The following TOB2 variants were observed in gnomAD, a reference collection of about 807,000 sequenced individuals.
TOB2 encodes transducer of ERBB2, 2, also known as protein Tob2.
TOB2 carries 3 observed loss-of-function variants against 17.3 expected under a neutral mutation model. That is an observed-to-expected ratio of 0.17 (90% CI 0.08 to 0.45). The LOEUF is 0.45. TOB2 is among the 20% of genes least tolerant of loss of function. The probability of loss-of-function intolerance (pLI) is 0.99; values close to 1 mark genes in which losing one functional copy is unlikely to be tolerated. For synonymous variants in TOB2, 163 were observed against 185.6 expected (o/e 0.88, Z 0.99); for missense variants, 407 against 445.7 (o/e 0.91, Z 0.78).
chr22:41,435,649 C>T lies in TOB2; in HGVS notation c.*662G>A, dbSNP rs1448994452. ...CAGAGATGAAAGGAGTTTCACTAGA[C>T]GAAGTGCTAATCTCCCTGTAGTCAC... On this transcript the variant is annotated 3_prime_UTR_variant, in exon 2 of 2. Coordinates refer to ENST00000327492, the MANE Select transcript of TOB2 (RefSeq NM_016272.4). 1 of 152,706 alleles carries T rather than the reference C, an allele frequency of 6.5e-6. No individual in the cohort carries two copies. Among genetic ancestry groups the T allele is most frequent in the African/African-American group, 2.4e-5 (1 of 41,456 alleles). 9.5% of individuals were successfully genotyped at this position (152,706 alleles called of 1,614,324 possible). A position where few individuals can be genotyped will look rare whatever the true frequency, so the allele number is the denominator to read the frequency against.
At chr22:41,441,211 AG>A (rs2037616542) in intron 1 of TOB2, among the ~76,000 whole-genome samples, 1 of 151,820 alleles carries the variant, frequency 6.6e-6, no homozygotes, top group South Asian at 2.1e-4. Context: ...GCTACTCGGG[AG>A]GCTGAGGCAG....
At chr22:41,438,904 T>C (rs2037584912) in intron 1 of TOB2, among the ~76,000 whole-genome samples, 1 of 152,068 alleles carries the variant, frequency 6.6e-6, no homozygotes, top group Non-Finnish European at 1.5e-5. Flanking sequence ...CCAGGGACTG[T>C]CTGACCACCT....
chr22:41,445,808 G>A (rs201046258), intron 1 of TOB2, among the ~76,000 whole-genome samples: 1 of 152,206 alleles, frequency 6.6e-6, no homozygotes, highest in East Asian at 1.9e-4. Context: ...AAAGAGCTCA[G>A]CCGAAACGGT....
At chr22:41,438,544 C>T (rs1271326650) in intron 1 of TOB2, among the ~76,000 whole-genome samples, 9 of 142,000 alleles carry the variant, frequency 6.3e-5, no homozygotes, top group Non-Finnish European at 1.2e-4. Flanking sequence ...GTAGGAGAAT[C>T]GCTTGAACCC....
chr22:41,446,022 G>A (rs1271519579), intron 1 of TOB2, among the ~76,000 whole-genome samples: 2 of 152,148 alleles, frequency 1.3e-5, no homozygotes. Context: ...TAACGGTGGG[G>A]GGAGTTATGT....
At chr22:41,443,189 C>A (rs538439884) in intron 1 of TOB2, among the ~76,000 whole-genome samples, 143 of 152,178 alleles carry the variant, frequency 9.4e-4, no homozygotes, top group Non-Finnish European at 1.7e-3. Flanking sequence ...AGAAGTGGGG[C>A]GTGAAGCTCA....
chr22:41,440,761 T>A (rs1458406411), intron 1 of TOB2, among the ~76,000 whole-genome samples: 1 of 152,024 alleles, frequency 6.6e-6, no homozygotes, highest in Non-Finnish European at 1.5e-5. Flanking sequence ...CACACGGGGT[T>A]TCATCACGTT....
Position 41,437,236 on chromosome 22 carries a change from T to C in TOB2, c.110A>G (p.Lys37Arg). 1 of 1,614,074 alleles carries C rather than the reference T, an allele frequency of 6.2e-7. No homozygotes were observed. The highest frequency in any genetic ancestry group is 2.2e-5 in the East Asian group (1 of 44,874). ...LFGEELERLLKKKYEGHWYPE... is the reference protein window; with the variant it reads ...LFGEELERLLRKKYEGHWYPE... ...GTACCAGTGGCCTTCATATTTCTTT[T>C]TCAAAAGCCGCTCTAGCTCCTCCCC... The change falls in exon 2 of 2, where the codon AAA (lysine) becomes AGA (arginine). Residue 37 changes from lysine (K) to arginine (R), a missense_variant. Coordinates refer to ENST00000327492, the MANE Select transcript of TOB2 (RefSeq NM_016272.4).
In TOB2 at chr22:41,437,096, C is replaced by T. The variant is rs1483176631; in HGVS notation, c.250G>A (p.Ala84Thr). Residue 84 changes from alanine to threonine, a missense_variant, in exon 2 of 2, where the codon GCC becomes ACC. Transcript: ENST00000327492. ...ACACTCAGCTCCTCAGGCACATTGG[C>T]CCGCACATCTTCCACCGCCAGGCCA... is the stretch of plus-strand genomic sequence containing the variant. Reference protein sequence around the residue: ...RSGLAVEDVRANVPEELSVWI... With the variant: ...RSGLAVEDVRTNVPEELSVWI... The T allele has an allele frequency of 6.2e-7, 1 of 1,613,996 alleles. No individual in the cohort carries two copies. The highest frequency in any genetic ancestry group is 1.3e-5 in the African/African-American group (1 of 74,898).
intron 1 of TOB2, among the ~76,000 whole-genome samples, chr22:41,444,061 A>T (rs971632311): frequency 2.0e-5 from 3 of 152,224 alleles, no homozygotes; most frequent in African/African-American, 7.2e-5. Context: ...TCCTACAATG[A>T]CGGACTACAG....
At chr22:41,439,235 C>T (rs1485779324) in intron 1 of TOB2, among the ~76,000 whole-genome samples, 1 of 152,204 alleles carries the variant, frequency 6.6e-6, no homozygotes. Flanking sequence ...CTGGGCAAGG[C>T]TGTGCTGCTG....
rs542719056 is a variant in TOB2, at chr22:41,438,045, C to G, written c.-62-638G>C. On this transcript the variant is annotated intron_variant, in intron 1 of 1. Transcript: ENST00000327492. ...TTTCCACCATCTTGAGAATTCAGGT[C>G]ACTGTATGAATGACACTAAAAAAAT... 3.4e-5 allele frequency among the ~76,000 whole-genome samples: 5 copies of G among 148,948 alleles called. No individual in the cohort carries two copies. The East Asian group carries it at 5.9e-4, about 18-fold the overall frequency.
In TOB2 at chr22:41,437,208, A is replaced by G. The variant is rs377288736; in HGVS notation, c.138T>C (p.Pro46=). The change falls in exon 2 of 2, where the codon CCT becomes CCC. Residue 46 remains proline, a synonymous_variant. Coordinates refer to ENST00000327492, the MANE Select transcript of TOB2 (RefSeq NM_016272.4). ...AGCCAGAGCCTTTCAGTGGCTTCTC[A>G]GGGTACCAGTGGCCTTCATATTTCT... ...LKKKYEGHWY[P]EKPLKGSGFR... 19 of 1,613,928 alleles carry G rather than the reference A, an allele frequency of 1.2e-5. No individual in the cohort carries two copies. The African/African-American group carries it at 2.5e-4, about 22-fold the overall frequency.
In TOB2 at chr22:41,446,593, G is replaced by C. The variant is rs1256698427; in HGVS notation, c.-277C>G. 6.5e-6 allele frequency: 1 copy of C among 152,800 alleles called. No individual in the cohort carries two copies. 9.5% of individuals were successfully genotyped at this position (152,800 alleles called of 1,614,324 possible). On this transcript the variant is annotated 5_prime_UTR_variant, in exon 1 of 2. Transcript: ENST00000327492. ...TTTCTTTCAGCTCTTAGGAGGTCGG[G>C]CTCGGCAGCGGGGGGCCCGAGGGCG...
In TOB2 at chr22:41,436,544, G is replaced by A; in HGVS notation, c.802C>T (p.Pro268Ser). ...TCGGCCGCATCAAAGAAGAGGCTGG[G>A]TGAGCCACCACCGTTGTACACGAAC... ...KEFVYNGGGS[P>S]SLFFDAADGQ... Residue 268 changes from proline (P) to serine (S), a missense_variant, in exon 2 of 2, where the codon CCC becomes TCC. By Grantham distance (74) the Pro-to-Ser change is moderately conservative. Transcript: ENST00000327492. This position sits in a 1 kb window ranked among gnomAD's most constrained non-coding sequence, Gnocchi z 4.8. The A allele has an allele frequency of 6.2e-7, 1 of 1,610,422 alleles. No individual in the cohort carries two copies. The highest frequency in any genetic ancestry group is 1.3e-5 in the African/African-American group (1 of 75,004).
chr22:41,436,409 A>T lies in TOB2; in HGVS notation c.937T>A (p.Phe313Ile). The T allele has an allele frequency of 1.2e-6, 2 of 1,614,182 alleles. No individual in the cohort carries two copies. The highest frequency in any genetic ancestry group is 1.7e-6 in the Non-Finnish European group (2 of 1,180,010). ...QVFGGGANSL[F>I]LEKTPFVEGL... ...TCCACAAAGGGTGTCTTCTCCAGGAAGAGGCTGTTGGCACCACCTCCAAAT... is the reference window on the plus strand; with the variant it reads ...TCCACAAAGGGTGTCTTCTCCAGGATGAGGCTGTTGGCACCACCTCCAAAT... The change falls in exon 2 of 2, where the codon TTC (phenylalanine) becomes ATC (isoleucine). Residue 313 changes from phenylalanine (F) to isoleucine (I), a missense_variant. Coordinates refer to ENST00000327492, the MANE Select transcript of TOB2 (RefSeq NM_016272.4). The surrounding 1 kb of genome is among the most constrained non-coding windows in gnomAD (Gnocchi z 4.8).
chr22:41,444,592 A>G (rs2037660670), intron 1 of TOB2, among the ~76,000 whole-genome samples: 1 of 152,230 alleles, frequency 6.6e-6, no homozygotes, highest in African/African-American at 2.4e-5. Flanking sequence ...CATGCCCGGT[A>G]AGGGGAGCCG....
intron 1 of TOB2, among the ~76,000 whole-genome samples, chr22:41,439,581 T>C (rs2037591897): frequency 1.3e-5 from 2 of 152,270 alleles, no homozygotes; most frequent in South Asian, 4.1e-4. Context: ...AGTGGCGTGA[T>C]CTTGGCTCAC....
intron 1 of TOB2, among the ~76,000 whole-genome samples, chr22:41,440,098 C>T (rs1366491638): frequency 7.4e-6 from 1 of 134,234 alleles, no homozygotes; most frequent in African/African-American, 2.9e-5. Flanking sequence ...CTTCAAATGT[C>T]TATTTTTTTC....
Sources: gnomAD v4.1 joint callset for allele counts (sites outside exome capture counted in the v4.1 genomes callset) on GRCh38, gnomAD v4.1.1 for gene constraint, Gnocchi (gnomAD v3.1) non-coding constraint, MANE v1.5 for transcripts, NCBI Gene and HGNC (gene_info 2026-07-23, HGNC 2026-07-21) for gene names.